RAI1: variants seen among roughly 807,000 people sequenced by gnomAD.
RAI1 encodes retinoic acid induced 1.
Under a neutral mutation model 123.8 loss-of-function variants are expected in RAI1, and 9 were observed. The observed-to-expected ratio is 0.07, with a 90% CI of 0.04 to 0.13. The LOEUF is 0.13. Ranked by LOEUF, RAI1 falls within the 10% of genes least tolerant of loss-of-function variation. The pLI is 1.00. For missense variants in RAI1, 2,256 were observed against 2,545.8 expected, an observed-to-expected ratio of 0.89 and a Z score of 2.45; for synonymous variants, 1,231 against 1,127.3, an observed-to-expected ratio of 1.09 and a Z score of -1.84.
intron 3 of RAI1, 152 bp downstream of exon 3, chr17:17,798,665 G>A (rs1002111257): frequency 1.1e-5 from 15 of 1,386,238 alleles, no homozygotes; most frequent in Non-Finnish European, 1.4e-5. Flanking sequence ...CCTCTCTGGG[G>A]TGTGTGGGGG....
rs373198856 is a variant in RAI1 at position 17,798,118 on chromosome 17, C to G, written c.5170C>G (p.Arg1724Gly). The change falls in exon 3 of 6, where the codon CGG (arginine) becomes GGG (glycine). Residue 1724 changes from arginine to glycine, a missense_variant. By Grantham distance (125) the Arg-to-Gly change is moderately radical (BLOSUM62 -2). This residue lies in a region of RAI1 where 243 missense variants were observed against 316.6 expected (regional missense o/e 0.77). Transcript: ENST00000353383. ...KKKPKLKEKV[R>G]PEGTCEEASL... ...GAAGCCAAAACTCAAGGAGAAGGTG[C>G]GGCCAGAAGGCACCTGTGAGGAGGC... 1 of 1,613,870 alleles carries G rather than the reference C, an allele frequency of 6.2e-7. No individual in the cohort carries two copies. The highest frequency in any genetic ancestry group is 8.5e-7 in the Non-Finnish European group (1 of 1,180,040).
chr17:17,789,085 C>T (rs1371222570), intron 2 of RAI1, among the ~76,000 whole-genome samples: 1 of 152,204 alleles, frequency 6.6e-6, no homozygotes, highest in Non-Finnish European at 1.5e-5. Context: ...TGCAGCTCAG[C>T]CCCTTGCCCC....
chr17:17,740,598 C>G (rs1018573988), intron 2 of RAI1, among the ~76,000 whole-genome samples: 1 of 152,154 alleles, frequency 6.6e-6, no homozygotes, highest in Admixed American at 6.5e-5. Flanking sequence ...TGAATTTGCC[C>G]CAGGCCACGT....
At chr17:17,792,743 G>A (rs1442582609) in intron 2 of RAI1, among the ~76,000 whole-genome samples, 190 bp from the exon 3 acceptor site, 2 of 151,282 alleles carry the variant, frequency 1.3e-5, no homozygotes, top group Non-Finnish European at 2.9e-5. Flanking sequence ...ACAGCTGGTG[G>A]GGAGGCTCAG....
chr17:17,709,949 C>T lies in RAI1; in HGVS notation c.-148-14079C>T, dbSNP rs189619758. Among the ~76,000 whole-genome samples, 187 of 152,280 alleles carry T rather than the reference C, an allele frequency of 1.2e-3. 1 individual carries two copies. The highest frequency in any genetic ancestry group is 2.6e-4 in the Non-Finnish European group (18 of 68,012). The stretch of plus-strand genomic sequence containing the variant: ...ACATTCCTAGATGCTAGCCCTGTGG[C>T]GGCGCACCTCACGCTCATTCACAGT... On this transcript the variant is annotated intron_variant, in intron 1 of 5. Transcript: ENST00000353383.
intron 3 of RAI1, chr17:17,802,042 C>G: frequency 2.1e-6 from 1 of 470,622 alleles, no homozygotes; most frequent in Non-Finnish European, 4.4e-6. Context: ...GCCCCCAGCA[C>G]GGTGGCACTG....
At chr17:17,691,392 T>C (rs576050897) in intron 1 of RAI1, among the ~76,000 whole-genome samples, 21 of 152,168 alleles carry the variant, frequency 1.4e-4, no homozygotes, top group Non-Finnish European at 2.9e-4. Flanking sequence ...CCCTGCCCGT[T>C]TGAAGCATAG....
Position 17,795,659 on chromosome 17 carries a change from T to A in RAI1, c.2711T>A (p.Val904Glu), listed in dbSNP as rs915858088. The A allele has an allele frequency of 1.4e-5, 22 of 1,612,656 alleles. No individual in the cohort carries two copies. The highest frequency in any genetic ancestry group is 1.9e-5 in the Non-Finnish European group (22 of 1,179,708). ...KAPLICTKEE[V>E]EEVLDSKAGW... ...CCACTCATCTGCACCAAGGAGGAGG[T>A]GGAGGAGGTGCTGGACTCCAAGGCC... The change falls in exon 3 of 6, where the codon GTG (valine) becomes GAG (glutamate). Residue 904 changes from valine to glutamate, a missense_variant. Physicochemically the swap from Val to Glu is moderately radical, Grantham distance 121. Coordinates refer to ENST00000353383, the MANE Select transcript of RAI1 (RefSeq NM_030665.4). The surrounding 1 kb of genome is among the most constrained non-coding windows in gnomAD (Gnocchi z 5.9).
rs759219378 is a variant in RAI1, at chr17:17,794,919, G to A, written c.1971G>A (p.Ala657=). The A allele has an allele frequency of 5.5e-5, 89 of 1,613,456 alleles. No individual in the cohort carries two copies. Among genetic ancestry groups the A allele is most frequent in the Admixed American group, 4.7e-4 (28 of 60,014 alleles). ...GCCTGGACTCTGTGGCCAAGAGTGC[G>A]TGGCCCCGGCCTGGGGAGCCGGAGG... ...SACLDSVAKS[A]WPRPGEPEAL... The change falls in exon 3 of 6, where the codon GCG becomes GCA. Residue 657 remains alanine, a synonymous_variant. Transcript: ENST00000353383.
chr17:17,743,518 G>T (rs887949152), intron 2 of RAI1, among the ~76,000 whole-genome samples: 5 of 152,222 alleles, frequency 3.3e-5, no homozygotes, highest in Admixed American at 3.3e-4. Context: ...GCCCCTGCCC[G>T]CAGCAGCCCA....
At chr17:17,704,551 C>T (rs1915332095) in intron 1 of RAI1, among the ~76,000 whole-genome samples, 1 of 152,148 alleles carries the variant, frequency 6.6e-6, no homozygotes, top group Non-Finnish European at 1.5e-5. Flanking sequence ...GACAGGAGTT[C>T]CGATCTCAAC....
intron 1 of RAI1, among the ~76,000 whole-genome samples, chr17:17,689,546 T>C (rs531027052): frequency 6.6e-6 from 1 of 152,344 alleles, no homozygotes; most frequent in Non-Finnish European, 1.5e-5. Flanking sequence ...CATTCGTTCA[T>C]TTATAAATCA....
chr17:17,772,231 A>G (rs60889477), intron 2 of RAI1, among the ~76,000 whole-genome samples: 20,321 of 152,170 alleles, frequency 0.13, 2,561 homozygotes, highest in African/African-American at 0.33. Flanking sequence ...ACCAGTATCT[A>G]GAATTGGCTG....
intron 1 of RAI1, among the ~76,000 whole-genome samples, chr17:17,717,546 C>T (rs1256256457): frequency 2.0e-5 from 3 of 152,000 alleles, no homozygotes; most frequent in East Asian, 1.9e-4. Flanking sequence ...GGCTCTATAA[C>T]CCTCCTTCTC....
rs1407712626 is a variant in RAI1, at chr17:17,738,991, G to A, written c.-17+14832G>A. On this transcript the variant is annotated intron_variant, in intron 2 of 5. Coordinates refer to ENST00000353383, the MANE Select transcript of RAI1 (RefSeq NM_030665.4). ...CTGTCATCAGTGTTATTTCTGAGGT[G>A]TGTTTTCCTGGCAACCAGGAAATTT... Among the ~76,000 whole-genome samples the A allele has an allele frequency of 2.0e-5, 3 of 152,202 alleles. No homozygotes were observed. In the East Asian group the frequency reaches 5.8e-4, roughly 29 times the overall value.
chr17:17,686,666 G>A (rs1336426844), intron 1 of RAI1, among the ~76,000 whole-genome samples: 1 of 151,156 alleles, frequency 6.6e-6, no homozygotes, highest in Non-Finnish European at 1.5e-5. Flanking sequence ...GGGCAGAGAG[G>A]TGGAGTGGGG....
chr17:17,756,782 C>T (rs749237307), intron 2 of RAI1, among the ~76,000 whole-genome samples: 19 of 152,174 alleles, frequency 1.2e-4, no homozygotes, highest in African/African-American at 1.9e-4. Flanking sequence ...CAAATCAGTT[C>T]GTCGGTAACG....
chr17:17,708,016 G>T (rs1407698418), intron 1 of RAI1, among the ~76,000 whole-genome samples: 1 of 152,130 alleles, frequency 6.6e-6, no homozygotes, highest in East Asian at 1.9e-4. Context: ...GGAGTAGAAG[G>T]CTCCTGGAGG....
In RAI1 at chr17:17,800,850, G is replaced by A. The variant is rs1022637088; in HGVS notation, c.5565+2337G>A. On this transcript the variant is annotated intron_variant, in intron 3 of 5. Coordinates refer to ENST00000353383, the MANE Select transcript of RAI1 (RefSeq NM_030665.4). The surrounding 1 kb of genome is among the most constrained non-coding windows in gnomAD (Gnocchi z 4.7). The stretch of plus-strand genomic sequence containing the variant: ...GCTTGGGGGCGCCATGCTCCTTGGA[G>A]TGAGACCCTGGTTCAAATCCCAGCT... 6.6e-6 allele frequency among the ~76,000 whole-genome samples: 1 copy of A among 152,220 alleles called. No homozygotes were observed. Among genetic ancestry groups the A allele is most frequent in the Non-Finnish European group, 1.5e-5 (1 of 68,044 alleles).
Sources: allele counts gnomAD v4.1 joint callset (sites outside exome capture counted in the v4.1 genomes callset), GRCh38; gene constraint gnomAD v4.1.1; regional missense constraint gnomAD v4.1.1; non-coding constraint Gnocchi (gnomAD v3.1); transcripts MANE v1.5; gene names NCBI Gene and HGNC (gene_info 2026-07-23, HGNC 2026-07-21).